The following AOX1 variants were observed in gnomAD, a reference collection of about 807,000 sequenced individuals.
The protein encoded by AOX1 is aldehyde oxidase.
Under a neutral mutation model 169.5 loss-of-function variants are expected in AOX1, and 153 were observed. The ratio of observed to expected loss-of-function variants is 0.90; its 90% CI spans 0.79 to 1.03. The LOEUF is 1.03. Among genes scored for constraint, AOX1 ranks in the 50% least tolerant of loss-of-function variants. The pLI is 0.00. For synonymous variants in AOX1, 562 were observed against 581.9 expected (o/e 0.97, Z 0.49); for missense variants, 1,656 against 1,663.9 (o/e 1.00, Z 0.08).
intron 21 of AOX1, among the ~76,000 whole-genome samples, chr2:200,635,989 T>C (rs1265533673): frequency 6.6e-6 from 1 of 152,088 alleles, no homozygotes; most frequent in Non-Finnish European, 1.5e-5. Flanking sequence ...AGGCTTCCCA[T>C]CTGTAAGAAT....
chr2:200,636,483 T>A (rs2105741636), intron 21 of AOX1, among the ~76,000 whole-genome samples: 1 of 152,274 alleles, frequency 6.6e-6, no homozygotes, highest in Non-Finnish European at 1.5e-5. Context: ...AGACCCATGC[T>A]GAGTGAGGCT....
downstream of AOX1, chr2:200,678,304 T>G (rs369002463): frequency 2.0e-4 from 30 of 152,358 alleles, no homozygotes; most frequent in African/African-American, 7.2e-4. Flanking sequence ...AGTTCAAGTC[T>G]CCATTCTTTT....
intron 20 of AOX1, among the ~76,000 whole-genome samples, chr2:200,630,890 G>A (rs568946545): frequency 1.9e-3 from 285 of 152,248 alleles, no homozygotes; most frequent in Admixed American, 4.2e-3. Context: ...AATAGCTAAT[G>A]CATGCTAGGT....
Position 200,612,809 on chromosome 2 carries a change from T to G in AOX1, c.1448+16T>G. 1 of 1,609,162 alleles carries G rather than the reference T, an allele frequency of 6.2e-7. No homozygotes were observed. Among genetic ancestry groups the G allele is most frequent in the Admixed American group, 1.7e-5 (1 of 59,546 alleles). ...TCATTGGAAGGTAAGGCATTAGAAG[T>G]AAGGGCTCCTCTAATACTTGTCCTT... is the stretch of plus-strand genomic sequence containing the variant. On this transcript the variant is annotated intron_variant, in intron 14 of 34. Coordinates refer to ENST00000374700, the MANE Select transcript of AOX1 (RefSeq NM_001159.4).
intron 31 of AOX1, among the ~76,000 whole-genome samples, chr2:200,664,826 A>G (rs1387538839): frequency 6.6e-6 from 1 of 152,238 alleles, no homozygotes; most frequent in Non-Finnish European, 1.5e-5. Context: ...GTTCTGTACA[A>G]CAAATTACCC....
chr2:200,590,444 T>C (rs796277284), intron 1 of AOX1, among the ~76,000 whole-genome samples: 13 of 152,240 alleles, frequency 8.5e-5, no homozygotes, highest in African/African-American at 3.1e-4. Context: ...CCATCCCCTG[T>C]ATGCCTTCTA....
chr2:200,595,905 A>G (rs1040930032), intron 3 of AOX1, among the ~76,000 whole-genome samples: 2 of 152,190 alleles, frequency 1.3e-5, no homozygotes, highest in African/African-American at 4.8e-5. Flanking sequence ...AGATCAAGTC[A>G]TTCCCGTACT....
intron 23 of AOX1, among the ~76,000 whole-genome samples, chr2:200,639,490 T>C (rs1001903695): frequency 6.6e-6 from 1 of 152,230 alleles, no homozygotes; most frequent in Non-Finnish European, 1.5e-5. Flanking sequence ...CAAAACTGCA[T>C]AACTAATACA....
At chr2:200,620,991 G>A in intron 17 of AOX1, 129 bp from the exon 18 acceptor site, 1 of 1,360,602 alleles carries the variant, frequency 7.3e-7, no homozygotes, top group Non-Finnish European at 1.0e-6. Flanking sequence ...GTTGTCCCAA[G>A]AATTTTTTCC....
At chr2:200,628,141 A>G (rs1042835459) in intron 20 of AOX1, among the ~76,000 whole-genome samples, 1 of 152,146 alleles carries the variant, frequency 6.6e-6, no homozygotes, top group Non-Finnish European at 1.5e-5. Context: ...AACATTAAAG[A>G]AACTCCCAAA....
At chr2:200,620,354 G>A (rs890052833) in intron 16 of AOX1, among the ~76,000 whole-genome samples, 10 of 150,114 alleles carry the variant, frequency 6.7e-5, no homozygotes, top group Admixed American at 2.0e-4. Context: ...ATGTGCCACC[G>A]TACCTGGCTA....
chr2:200,631,775 G>T (rs183002714), intron 20 of AOX1, among the ~76,000 whole-genome samples: 1 of 152,244 alleles, frequency 6.6e-6, no homozygotes, highest in East Asian at 1.9e-4. Flanking sequence ...TAAATAAAGT[G>T]ACTACTTAAC....
chr2:200,609,248 C>G (rs1342453210), intron 11 of AOX1, 73 bp from the exon 12 acceptor site: 1 of 1,591,790 alleles, frequency 6.3e-7, no homozygotes, highest in African/African-American at 1.3e-5. Context: ...TCTCCAAAGC[C>G]TTGCTTAATC....
chr2:200,672,220 C>T (rs1276339472), downstream of AOX1, among the ~76,000 whole-genome samples: 3 of 152,144 alleles, frequency 2.0e-5, no homozygotes, highest in African/African-American at 7.2e-5. Flanking sequence ...GATAATTTTA[C>T]AACGTGTGAA....
At position 200,651,195 on chromosome 2, in the gene AOX1, T is replaced by C. The variant is rs1461481782; in HGVS notation, c.3069T>C (p.Ala1023=). The change falls in exon 26 of 35, where the codon GCT becomes GCC. Residue 1023 remains alanine, a synonymous_variant. Coordinates refer to ENST00000374700, the MANE Select transcript of AOX1 (RefSeq NM_001159.4). ...CTGTTGGCCTTGGCTCACGTGCTGCTGGTCAGGTGAGTTCTCCAAATGCAC... is the reference window on the plus strand; with the variant it reads ...CTGTTGGCCTTGGCTCACGTGCTGCCGGTCAGGTGAGTTCTCCAAATGCAC... ...KFPVGLGSRA[A]GQAAALVHIY... is the part of the protein sequence containing the mutation. 1.2e-6 allele frequency: 2 copies of C among 1,613,978 alleles called. No homozygotes were observed. Among genetic ancestry groups the C allele is most frequent in the Non-Finnish European group, 1.7e-6 (2 of 1,179,832 alleles).
At chr2:200,592,174 CAG>C (rs2034186550) in intron 1 of AOX1, among the ~76,000 whole-genome samples, 1 of 152,314 alleles carries the variant, frequency 6.6e-6, no homozygotes, top group South Asian at 2.1e-4. Context: ...CACACACAAA[CAG>C]ACACACATGC....
chr2:200,591,499 C>A (rs1159994311), intron 1 of AOX1, among the ~76,000 whole-genome samples: 1 of 152,136 alleles, frequency 6.6e-6, no homozygotes, highest in Non-Finnish European at 1.5e-5. Context: ...TCCAACGCAC[C>A]CCCTGGACTG....
chr2:200,604,905 G>GT, intron 9 of AOX1, 65 bp downstream of exon 9: 1 of 1,222,422 alleles, frequency 8.2e-7, no homozygotes, highest in East Asian at 2.6e-5. Context: ...TGGGGCCGGG[G>GT]TGGGCTGGGG....
chr2:200,636,378 CTT>C (rs2035233669), intron 21 of AOX1, among the ~76,000 whole-genome samples: 1 of 152,048 alleles, frequency 6.6e-6, no homozygotes, highest in Non-Finnish European at 1.5e-5. Flanking sequence ...ATCTGCCTGA[CTT>C]GGACTCCCAA....
Sources: gnomAD v4.1 joint callset for allele counts (sites outside exome capture counted in the v4.1 genomes callset) on GRCh38, gnomAD v4.1.1 for gene constraint, MANE v1.5 for transcripts, NCBI Gene and HGNC (gene_info 2026-07-23, HGNC 2026-07-21) for gene names.